ADPRHL1: variants seen among roughly 807,000 people sequenced by gnomAD.
ADPRHL1 encodes inactive ADP-ribosyltransferase ARH2.
Under a neutral mutation model 44.1 loss-of-function variants are expected in ADPRHL1, and 43 were observed. The ratio of observed to expected loss-of-function variants is 0.98; its 90% CI spans 0.76 to 1.26. The LOEUF is 1.26. Among genes scored for constraint, ADPRHL1 ranks in the 50% most tolerant of loss-of-function variants. ADPRHL1 has a pLI of 0.00. For missense variants in ADPRHL1, 2,022 were observed against 2,496.9 expected (o/e 0.81, Z 4.05); for synonymous variants, 878 against 1,017.4 (o/e 0.86, Z 2.61).
At chr13:113,433,699 G>T (rs368212415) in intron 3 of ADPRHL1, 43 bp downstream of exon 3, 1 of 1,542,056 alleles carries the variant, frequency 6.5e-7, no homozygotes, top group African/African-American at 1.4e-5. Flanking sequence ...TCATCCGGCC[G>T]CACTCCACGC....
Position 113,407,683 on chromosome 13 carries a change from G to C in ADPRHL1, c.1599C>G (p.Ala533=), listed in dbSNP as rs1002704622. 1 of 1,232,070 alleles carries C rather than the reference G, an allele frequency of 8.1e-7. No individual in the cohort carries two copies. The highest frequency in any genetic ancestry group is 1.5e-5 in the African/African-American group (1 of 64,556). The allele number at this position is 1,232,070 out of a possible 1,614,324, so 76.3% of individuals were successfully genotyped here. A position where few individuals can be genotyped will look rare whatever the true frequency, so the allele number is the denominator to read the frequency against. The change falls in exon 8 of 8, where the codon GCC becomes GCG. Residue 533 remains alanine (A), a synonymous_variant. Transcript: ENST00000612156. ...REKPPVERPK[A]ARGLLPKIMG... is the part of the protein sequence containing the mutation. ...TGATCTTCGGCAAGAGGCCCCTGGC[G>C]GCTTTGGGCCGCTCCACAGGGGGCT...
chr13:113,438,477 T>A (rs1180785179), intron 2 of ADPRHL1, among the ~76,000 whole-genome samples: 2 of 152,074 alleles, frequency 1.3e-5, no homozygotes, highest in Non-Finnish European at 2.9e-5. Context: ...GCAGATCACC[T>A]GAGGTCAGGA....
intron 7 of ADPRHL1, among the ~76,000 whole-genome samples, chr13:113,419,039 C>CCCTTCCCTTCCTTCTTTT (rs1566470038): frequency 2.1e-5 from 1 of 47,320 alleles, no homozygotes. Flanking sequence ...CCTTCCCCTC[C>CCCTTCCCTTCCTTCTTTT]CCTTCCCTTC....
In ADPRHL1 at chr13:113,445,935, C is replaced by CGCGTGT. The variant is rs1381549592; in HGVS notation, c.215-1347_215-1346insACACGC. On this transcript the variant is annotated intron_variant, in intron 1 of 7. Transcript: ENST00000612156. ...GCTGCAAACCCCTGGAGAGAGCACG[C>CGCGTGT]ACGTGTAGGGACCATGGCTGCAAAC... is the stretch of plus-strand genomic sequence containing the variant. Among the ~76,000 whole-genome samples, 152 of 149,596 alleles carry CGCGTGT rather than the reference C, an allele frequency of 1.0e-3. 11 individuals are homozygous for CGCGTGT. The highest frequency in any genetic ancestry group is 3.2e-3 in the African/African-American group (128 of 40,286).
chr13:113,410,665 C>T (rs539141641), intron 7 of ADPRHL1, among the ~76,000 whole-genome samples: 37 of 152,280 alleles, frequency 2.4e-4, no homozygotes, highest in African/African-American at 7.0e-4. Context: ...TGATCCCGGG[C>T]GGCCCCAGAA....
chr13:113,406,351 C>G lies in ADPRHL1; in HGVS notation c.2931G>C (p.Glu977Asp). The stretch of plus-strand genomic sequence containing the variant: ...TCACATCTCTGAGCTCAGAGGTCCT[C>G]TCTCCTGAAATATCGTCAGGATTCC... ...GPRNPDDISG[E>D]RTSELRDVKH... The change falls in exon 8 of 8, where the codon GAG becomes GAC. Residue 977 changes from glutamate (E) to aspartate (D), a missense_variant. By Grantham distance (45) the Glu-to-Asp change is conservative. Around this residue, in one of 8 missense-constraint regions of ADPRHL1, gnomAD observed 1,221 missense variants for 1,517.8 expected, o/e 0.80. Transcript: ENST00000612156. 8.1e-7 allele frequency: 1 copy of G among 1,232,116 alleles called. No homozygotes were observed. Among genetic ancestry groups the G allele is most frequent in the Non-Finnish European group, 1.0e-6 (1 of 987,978 alleles). 76.3% of individuals were successfully genotyped at this position (1,232,116 alleles called of 1,614,324 possible).
chr13:113,436,455 C>T (rs9796038), intron 2 of ADPRHL1, among the ~76,000 whole-genome samples: 138 of 600 alleles, frequency 0.23, no homozygotes, highest in East Asian at 0.5. Flanking sequence ...CACCCAGGTG[C>T]AGGGTGAACA....
At chr13:113,419,614 C>T (rs549527411) in intron 7 of ADPRHL1, among the ~76,000 whole-genome samples, 105 of 152,144 alleles carry the variant, frequency 6.9e-4, no homozygotes, top group Admixed American at 1.1e-3. Flanking sequence ...CACTGGAAGT[C>T]GCCATAAGAG....
intron 1 of ADPRHL1, among the ~76,000 whole-genome samples, chr13:113,451,861 G>T (rs1000124456): frequency 6.6e-6 from 1 of 152,158 alleles, no homozygotes; most frequent in Non-Finnish European, 1.5e-5. Context: ...TTAACTGTGT[G>T]AATTTCGTGT....
At position 113,406,115 on chromosome 13, in the gene ADPRHL1, G is replaced by T. The variant is rs540571284; in HGVS notation, c.3167C>A (p.Thr1056Asn). 1 of 1,232,154 alleles carries T rather than the reference G, an allele frequency of 8.1e-7. No homozygotes were observed. Among genetic ancestry groups the T allele is most frequent in the South Asian group, 4.1e-5 (1 of 24,326 alleles). The allele number at this position is 1,232,154 out of a possible 1,614,324, so 76.3% of individuals were successfully genotyped here. A position where few individuals can be genotyped will look rare whatever the true frequency, so the allele number is the denominator to read the frequency against. ...ACCGGGCACTGTCATGCCCATCGGG[G>T]TGACACCCTCAGGCCCCGTACGCCC... ...SKGRTGPEGV[T>N]PMGMTVPGAL... Residue 1056 changes from threonine to asparagine, a missense_variant, in exon 8 of 8, where the codon ACC (threonine) becomes AAC (asparagine). Around this residue, in one of 8 missense-constraint regions of ADPRHL1, gnomAD observed 1,221 missense variants for 1,517.8 expected, o/e 0.80. Coordinates refer to ENST00000612156, the MANE Select transcript of ADPRHL1 (RefSeq NM_001394807.1).
intron 3 of ADPRHL1, among the ~76,000 whole-genome samples, chr13:113,429,456 A>G (rs1332517287): frequency 1.3e-5 from 2 of 152,122 alleles, no homozygotes; most frequent in Non-Finnish European, 2.9e-5. Flanking sequence ...TCCACTCAGG[A>G]CGCATCCCCA....
At chr13:113,436,395 G>T (rs1461653518) in intron 2 of ADPRHL1, among the ~76,000 whole-genome samples, 4 of 31,558 alleles carry the variant, frequency 1.3e-4, no homozygotes, top group East Asian at 1.0e-3. Context: ...GTGTACCCCG[G>T]GACCCAGCAC....
rs2044121517 is a variant in ADPRHL1 at position 113,444,429 on chromosome 13, T to C, written c.375A>G (p.Glu125=). 2 of 1,613,656 alleles carry C rather than the reference T, an allele frequency of 1.2e-6. No homozygotes were observed. Among genetic ancestry groups the C allele is most frequent in the South Asian group, 1.1e-5 (1 of 91,072 alleles). ...AGAGGAGAGGATTTCCCTGACCTTT[T>C]TCATTGAACGGTGTGTGCCAGGCGA... ...YLLAWHTPFN[E]KGSGFGAATK... is the part of the protein sequence containing the mutation. Residue 125 remains glutamate, a synonymous_variant, in exon 2 of 8, where the codon GAA becomes GAG. Transcript: ENST00000612156.
chr13:113,433,640 C>A, intron 3 of ADPRHL1, 102 bp downstream of exon 3: 6 of 1,474,266 alleles, frequency 4.1e-6, no homozygotes, highest in Non-Finnish European at 5.4e-6. Context: ...GGCGGCAGCT[C>A]CAGGCCCCCG....
At position 113,409,103 on chromosome 13, in the gene ADPRHL1, A is replaced by G. The variant is rs1360301909; in HGVS notation, c.1062-883T>C. 6.6e-6 allele frequency among the ~76,000 whole-genome samples: 1 copy of G among 152,230 alleles called. No individual in the cohort carries two copies. Among genetic ancestry groups the G allele is most frequent in the African/African-American group, 2.4e-5 (1 of 41,458 alleles). ...CAGTGAGATGTTTTTCTGCAGGTTC[A>G]CCAGGGATTCCTTCCCACCAGCCCA... On this transcript the variant is annotated intron_variant, in intron 7 of 7. Transcript: ENST00000612156. This position sits in a 1 kb window ranked among gnomAD's most constrained non-coding sequence, Gnocchi z 4.2.
rs1215079743 is a variant in ADPRHL1, at chr13:113,406,015, G to A, written c.3267C>T (p.Ser1089=). The A allele has an allele frequency of 2.8e-5, 35 of 1,232,016 alleles. No individual in the cohort carries two copies. Among genetic ancestry groups the A allele is most frequent in the Non-Finnish European group, 3.4e-5 (34 of 988,038 alleles). 76.3% of individuals were successfully genotyped at this position (1,232,016 alleles called of 1,614,324 possible). A position where few individuals can be genotyped will look rare whatever the true frequency, so the allele number is the denominator to read the frequency against. The change falls in exon 8 of 8, where the codon AGC becomes AGT. Residue 1089 remains serine, a synonymous_variant. Transcript: ENST00000612156. ...QPLKAAEEIT[S]HDVRENPLSS... is the part of the protein sequence containing the mutation. ...ACAGTGGGTTCTCGCGAACATCATG[G>A]CTGGTGATTTCCTCGGCAGCCTTCA... is the stretch of plus-strand genomic sequence containing the variant.
chr13:113,432,447 G>A (rs2044013817), intron 3 of ADPRHL1, among the ~76,000 whole-genome samples: 1 of 152,206 alleles, frequency 6.6e-6, no homozygotes, highest in Non-Finnish European at 1.5e-5. Flanking sequence ...GGGTCTGAAG[G>A]TTTTAATTTT....
At chr13:113,414,460 G>T (rs1038503455) in intron 7 of ADPRHL1, among the ~76,000 whole-genome samples, 8 of 122,426 alleles carry the variant, frequency 6.5e-5, no homozygotes, top group African/African-American at 2.5e-4. Context: ...CTGCGGCTCA[G>T]CCCCCGGCTT....
At position 113,436,863 on chromosome 13, in the gene ADPRHL1, G is replaced by A. The variant is rs1184795665; in HGVS notation, c.380-2996C>T. Among the ~76,000 whole-genome samples the A allele has an allele frequency of 4.5e-3, 386 of 86,642 alleles. 6 individuals are homozygous for A. The highest frequency in any genetic ancestry group is 6.8e-3 in the Non-Finnish European group (293 of 42,946). 56.8% of individuals were successfully genotyped at this position (86,642 alleles called of 152,430 possible). A position where few individuals can be genotyped will look rare whatever the true frequency, so the allele number is the denominator to read the frequency against. On this transcript the variant is annotated intron_variant, in intron 2 of 7. Coordinates refer to ENST00000612156, the MANE Select transcript of ADPRHL1 (RefSeq NM_001394807.1). ...TGAACATAGGTGTACCCCGGGACCC[G>A]GCACCCAGGTGTAGAGTGAACATAG... is the stretch of plus-strand genomic sequence containing the variant.
Sources: allele counts gnomAD v4.1 joint callset (sites outside exome capture counted in the v4.1 genomes callset), GRCh38; gene constraint gnomAD v4.1.1; regional missense constraint gnomAD v4.1.1; non-coding constraint Gnocchi (gnomAD v3.1); transcripts MANE v1.5; gene names NCBI Gene and HGNC (gene_info 2026-07-23, HGNC 2026-07-21).